Variants in TRAK1 observed in about 807,000 individuals in gnomAD.
TRAK1 encodes trafficking kinesin-binding protein 1.
A neutral mutation model predicts 92.1 loss-of-function variants in TRAK1; 33 were observed. The ratio of observed to expected loss-of-function variants is 0.36; its 90% CI spans 0.27 to 0.48. The LOEUF (loss-of-function observed/expected upper bound fraction) is 0.48. Among genes scored for constraint, TRAK1 ranks in the 20% least tolerant of loss-of-function variants. The pLI, the probability that TRAK1 is intolerant of heterozygous loss-of-function variation, is 0.99. For synonymous variants in TRAK1, 521 were observed against 517.3 expected (o/e 1.01, Z -0.10); for missense variants, 1,123 against 1,257.9 (o/e 0.89, Z 1.62).
At chr3:42,022,440 G>C (rs575042079) in intron 1 of TRAK1, among the ~76,000 whole-genome samples, 15 of 152,270 alleles carry the variant, frequency 9.9e-5, no homozygotes, top group Non-Finnish European at 1.9e-4. Flanking sequence ...TTAAATAACT[G>C]GCCGGGTGTA....
At chr3:42,037,806 C>A (rs1702379045) in intron 1 of TRAK1, among the ~76,000 whole-genome samples, 1 of 152,180 alleles carries the variant, frequency 6.6e-6, no homozygotes, top group Non-Finnish European at 1.5e-5. Flanking sequence ...TATGCCTCTC[C>A]TTTCTTAATG....
At chr3:42,018,087 C>CA (rs397989329) in intron 1 of TRAK1, among the ~76,000 whole-genome samples, 80,872 of 114,118 alleles carry the variant, frequency 0.71, 29,820 homozygotes, top group East Asian at 0.81. Context: ...CTCATTGTTA[C>CA]AAAAAAAAAA....
At chr3:42,106,260 G>A (rs1707552887) in intron 1 of TRAK1, among the ~76,000 whole-genome samples, 1 of 152,198 alleles carries the variant, frequency 6.6e-6, no homozygotes, top group South Asian at 2.1e-4. Flanking sequence ...TCAGTGTGCT[G>A]TATTCAGGAG....
chr3:42,202,418 AC>A lies in TRAK1; in HGVS notation c.1428-14del, dbSNP rs1223792458. ...AGCCCTGCTGGCATTCCACCCTCACACCCCTTTCTTCTTCCAGAAACGATGA... is the reference window on the plus strand; with the variant it reads ...AGCCCTGCTGGCATTCCACCCTCACACCCTTTCTTCTTCCAGAAACGATGA... On this transcript the variant is annotated splice_polypyrimidine_tract_variant and intron_variant, in intron 12 of 15. Transcript: ENST00000327628. This position sits in a 1 kb window ranked among gnomAD's most constrained non-coding sequence, Gnocchi z 6.1. 6.8e-7 allele frequency: 1 copy of A among 1,468,482 alleles called. No homozygotes were observed. Among genetic ancestry groups the A allele is most frequent in the South Asian group, 1.5e-5 (1 of 64,634 alleles). 91.0% of individuals were successfully genotyped at this position (1,468,482 alleles called of 1,614,324 possible). A position where few individuals can be genotyped will look rare whatever the true frequency, so the allele number is the denominator to read the frequency against.
At chr3:42,150,795 A>C (rs922803642) in intron 2 of TRAK1, among the ~76,000 whole-genome samples, 1 of 152,232 alleles carries the variant, frequency 6.6e-6, no homozygotes, top group Non-Finnish European at 1.5e-5. Context: ...CTTTAGATGC[A>C]GACATTGTCA....
chr3:42,145,966 G>T (rs550450433), intron 2 of TRAK1: 2 of 287,230 alleles, frequency 7.0e-6, no homozygotes, highest in South Asian at 7.3e-5. Context: ...ATATGTGTTT[G>T]GGGAAGATAA....
chr3:42,092,716 A>ATGTTG (rs1559754231), intron 1 of TRAK1, among the ~76,000 whole-genome samples: 2 of 24,006 alleles, frequency 8.3e-5, no homozygotes, highest in Non-Finnish European at 2.1e-4. Flanking sequence ...GTGTTGTGTT[A>ATGTTG]TGTTATGTTA....
intron 1 of TRAK1, among the ~76,000 whole-genome samples, chr3:42,091,870 G>A (rs1705121857): frequency 6.6e-6 from 1 of 152,100 alleles, no homozygotes; most frequent in Non-Finnish European, 1.5e-5. Flanking sequence ...CAGACCCCCT[G>A]CACTGCCACT....
intron 13 of TRAK1, chr3:42,203,651 G>A: frequency 2.0e-6 from 2 of 985,234 alleles, no homozygotes; most frequent in Non-Finnish European, 2.4e-6. Context: ...TTAAAACTCT[G>A]TGTTACACTT....
chr3:42,089,464 G>T (rs990313856), upstream of TRAK1, among the ~76,000 whole-genome samples: 1 of 152,104 alleles, frequency 6.6e-6, no homozygotes, highest in African/African-American at 2.4e-5. Context: ...ATAGAGACCT[G>T]TAAGGAAGGG....
intron 15 of TRAK1, among the ~76,000 whole-genome samples, chr3:42,221,071 C>CTTTTT (rs369421571): frequency 4.7e-4 from 40 of 85,400 alleles, no homozygotes; most frequent in African/African-American, 8.6e-4. Flanking sequence ...AGAGAAGGCT[C>CTTTTT]TTTTTTTTTT....
chr3:42,215,084 CTATT>C (rs1709515116), intron 14 of TRAK1, among the ~76,000 whole-genome samples: 1 of 152,202 alleles, frequency 6.6e-6, no homozygotes, highest in African/African-American at 2.4e-5. Context: ...GTAGGGCAAA[CTATT>C]TATGCAGCTT....
intron 1 of TRAK1, among the ~76,000 whole-genome samples, chr3:42,121,279 A>C (rs1388297502): frequency 8.9e-6 from 1 of 112,570 alleles, no homozygotes; most frequent in Admixed American, 9.4e-5. Flanking sequence ...TTTTTTTTTG[A>C]GACGGAGTCT....
intron 4 of TRAK1, among the ~76,000 whole-genome samples, chr3:42,185,341 A>G (rs1559892193): frequency 6.6e-6 from 1 of 152,218 alleles, no homozygotes; most frequent in Non-Finnish European, 1.5e-5. Flanking sequence ...AACAAGACAA[A>G]AATAGCCTGT....
chr3:42,064,370 T>TA (rs200782162), intron 1 of TRAK1, among the ~76,000 whole-genome samples: 33,947 of 149,104 alleles, frequency 0.23, 3,892 homozygotes, highest in Admixed American at 0.27. Context: ...GGATACAAAT[T>TA]AAAAAAAAAA....
chr3:42,209,644 G>C, intron 13 of TRAK1, 123 bp from the exon 14 acceptor site: 1 of 950,982 alleles, frequency 1.1e-6, no homozygotes, highest in Non-Finnish European at 1.6e-6. Context: ...CCACCTGGAG[G>C]CCCAGACCCT....
chr3:42,039,774 T>C (rs1292839002), intron 1 of TRAK1, among the ~76,000 whole-genome samples: 1 of 152,338 alleles, frequency 6.6e-6, no homozygotes, highest in Non-Finnish European at 1.5e-5. Context: ...TAGGACAAAA[T>C]TGTTGGTCAT....
At chr3:42,147,861 AACGTTAC>A (rs1193348156) in intron 2 of TRAK1, among the ~76,000 whole-genome samples, 4 of 152,214 alleles carry the variant, frequency 2.6e-5, no homozygotes, top group African/African-American at 9.6e-5. Flanking sequence ...CTCACAACAC[AACGTTAC>A]AGGCTCTTCA....
At chr3:42,143,046 GTCTAACCTAAA>G (rs1341422796) in intron 2 of TRAK1, among the ~76,000 whole-genome samples, 1 of 152,178 alleles carries the variant, frequency 6.6e-6, no homozygotes, top group Non-Finnish European at 1.5e-5. Context: ...CCCTGTTAAG[GTCTAACCTAAA>G]TCTGGGCACC....
Sources: gnomAD v4.1 joint callset for allele counts (sites outside exome capture counted in the v4.1 genomes callset) on GRCh38, gnomAD v4.1.1 for gene constraint, Gnocchi (gnomAD v3.1) non-coding constraint, MANE v1.5 for transcripts, NCBI Gene and HGNC (gene_info 2026-07-23, HGNC 2026-07-21) for gene names.